Variants in TDRD7 observed in about 807,000 individuals in gnomAD.
TDRD7 encodes the protein tudor domain containing 7.
In TDRD7, 47 loss-of-function variants were observed where a neutral mutation model predicts 109.8. The ratio of observed to expected loss-of-function variants is 0.43; its 90% CI spans 0.34 to 0.55. The LOEUF is 0.55. Ranked by LOEUF, TDRD7 falls within the 20% of genes least tolerant of loss-of-function variation. The probability of loss-of-function intolerance (pLI) is 0.03; values close to 1 mark genes in which losing one functional copy is unlikely to be tolerated. For missense variants in TDRD7, 1,164 were observed against 1,319.2 expected (o/e 0.88, Z 1.82); for synonymous variants, 424 against 457.3 (o/e 0.93, Z 0.93).
intron 12 of TDRD7, 34 bp downstream of exon 12, chr9:97,475,503 C>G (rs1829002846): frequency 1.4e-6 from 2 of 1,454,346 alleles, no homozygotes; most frequent in Non-Finnish European, 9.6e-7. Flanking sequence ...TTAATCTTAA[C>G]TTATTGTGAA....
chr9:97,484,179 ACTC>A (rs1429280439), intron 15 of TDRD7, among the ~76,000 whole-genome samples: 1 of 151,722 alleles, frequency 6.6e-6, no homozygotes, highest in Non-Finnish European at 1.5e-5. Context: ...TTATTTCACT[ACTC>A]TTTGGCCTTG....
At position 97,432,041 on chromosome 9, in the gene TDRD7, C is replaced by A. The variant is rs1486555832; in HGVS notation, c.366C>A (p.Thr122=). 1 of 1,613,730 alleles carries A rather than the reference C, an allele frequency of 6.2e-7. No homozygotes were observed. Among genetic ancestry groups the A allele is most frequent in the Non-Finnish European group, 8.5e-7 (1 of 1,179,754 alleles). Residue 122 remains threonine, a synonymous_variant, in exon 4 of 17, where the codon ACC becomes ACA. Transcript: ENST00000355295. ...PFFLEGKPKA[T]LRQPGFASNF... ...ACTTCATAGGAAAACCAAAAGCAAC[C>A]CTCAGACAACCAGGATTTGCTTCAA...
chr9:97,480,870 A>C lies in TDRD7; in HGVS notation c.2344A>C (p.Met782Leu), dbSNP rs752597965. 1.2e-6 allele frequency: 2 copies of C among 1,614,128 alleles called. No individual in the cohort carries two copies. The highest frequency in any genetic ancestry group is 2.2e-5 in the East Asian group (1 of 44,878). Residue 782 changes from methionine to leucine, a missense_variant, in exon 14 of 17, where the codon ATG becomes CTG. Transcript: ENST00000355295. ...CLADLPQSIG[M>L]WTPDAVLWLR... ...AGCAGATCTTCCACAATCTATTGGC[A>C]TGTGGACACCAGATGCAGTGCTGTG...
chr9:97,480,836 G>A lies in TDRD7; in HGVS notation c.2310G>A (p.Lys770=), dbSNP rs143466399. Residue 770 remains lysine (K), a synonymous_variant, in exon 14 of 17, where the codon AAG becomes AAA. Transcript: ENST00000355295. ...EMIAIPPQAI[K]CCLADLPQSI... ...TCATATTTTCTTTTCAGGCCATTAA[G>A]TGCTGTTTAGCAGATCTTCCACAAT... 3 of 1,613,852 alleles carry A rather than the reference G, an allele frequency of 1.9e-6. No homozygotes were observed. Among genetic ancestry groups the A allele is most frequent in the Non-Finnish European group, 2.5e-6 (3 of 1,179,800 alleles).
rs758043386 is a variant in TDRD7 at position 97,483,047 on chromosome 9, G to A, written c.2611G>A (p.Gly871Ser). ...CAAAAATGGCAACATGCCCATGTCG[G>A]GCAACACTGGAGAGAATTTCAGAAA... Reference protein sequence around the residue: ...NSKNGNMPMSGNTGENFRKNL... With the variant: ...NSKNGNMPMSSNTGENFRKNL... The change falls in exon 15 of 17, where the codon GGC becomes AGC. Residue 871 changes from glycine (G) to serine (S), a missense_variant. Transcript: ENST00000355295. The A allele has an allele frequency of 1.9e-6, 3 of 1,614,140 alleles. No homozygotes were observed. Among genetic ancestry groups the A allele is most frequent in the Non-Finnish European group, 2.5e-6 (3 of 1,180,024 alleles).
chr9:97,491,065 A>G (rs955050831), intron 16 of TDRD7, among the ~76,000 whole-genome samples: 3 of 151,670 alleles, frequency 2.0e-5, no homozygotes, highest in Non-Finnish European at 2.9e-5. Flanking sequence ...ACAGGCATGC[A>G]CCACCACACC....
intron 6 of TDRD7, among the ~76,000 whole-genome samples, chr9:97,443,013 G>C (rs1828338165): frequency 6.6e-6 from 1 of 152,096 alleles, no homozygotes; most frequent in Non-Finnish European, 1.5e-5. Flanking sequence ...CCAGGCTGGA[G>C]TCTCGAATTC....
At chr9:97,478,891 A>G (rs1437922500) in intron 13 of TDRD7, among the ~76,000 whole-genome samples, 1 of 152,136 alleles carries the variant, frequency 6.6e-6, no homozygotes, top group African/African-American at 2.4e-5. Flanking sequence ...AATATTGTGT[A>G]TAAATGTTTA....
chr9:97,449,278 C>CT (rs768798555), intron 6 of TDRD7, among the ~76,000 whole-genome samples: 6 of 152,170 alleles, frequency 3.9e-5, no homozygotes, highest in Non-Finnish European at 4.4e-5. Flanking sequence ...TGGGTGCCCT[C>CT]TAATTTAATA....
chr9:97,482,154 G>A (rs1261864250), intron 14 of TDRD7, among the ~76,000 whole-genome samples: 2 of 152,184 alleles, frequency 1.3e-5, no homozygotes, highest in Non-Finnish European at 2.9e-5. Flanking sequence ...CCCTCTGGCC[G>A]AAAGAGCAAA....
intron 1 of TDRD7, among the ~76,000 whole-genome samples, chr9:97,427,020 A>T (rs1161650907): frequency 1.3e-5 from 2 of 152,206 alleles, no homozygotes; most frequent in Non-Finnish European, 2.9e-5. Context: ...GCCATATTTT[A>T]AGTGCTCAGA....
intron 6 of TDRD7, among the ~76,000 whole-genome samples, chr9:97,455,019 A>G (rs578084452): frequency 6.6e-6 from 1 of 152,352 alleles, no homozygotes; most frequent in Admixed American, 6.5e-5. Flanking sequence ...ACAGAAATAC[A>G]GACTACCATC....
intron 13 of TDRD7, 118 bp from the exon 14 acceptor site, chr9:97,480,710 G>A: frequency 1.2e-6 from 1 of 830,182 alleles, no homozygotes; most frequent in Non-Finnish European, 2.1e-6. Context: ...GTTATTAGCT[G>A]TTGTTGCTTG....
intron 1 of TDRD7, among the ~76,000 whole-genome samples, chr9:97,415,935 A>C (rs545467011): frequency 6.6e-6 from 1 of 152,368 alleles, no homozygotes; most frequent in African/African-American, 2.4e-5. Flanking sequence ...CAAAACTCAG[A>C]GCATTTCCAA....
At chr9:97,454,530 A>C (rs1828567618) in intron 6 of TDRD7, among the ~76,000 whole-genome samples, 1 of 152,126 alleles carries the variant, frequency 6.6e-6, no homozygotes, top group Non-Finnish European at 1.5e-5. Flanking sequence ...GGATTAAGAA[A>C]CTCACTTAAA....
intron 6 of TDRD7, among the ~76,000 whole-genome samples, chr9:97,444,733 A>G (rs1292096400): frequency 1.3e-5 from 2 of 152,226 alleles, no homozygotes; most frequent in South Asian, 2.1e-4. Flanking sequence ...CCAACCAGAT[A>G]AAATATTCTA....
chr9:97,495,102 T>C (rs911485316), intron 16 of TDRD7, among the ~76,000 whole-genome samples: 3 of 152,198 alleles, frequency 2.0e-5, no homozygotes, highest in African/African-American at 7.2e-5. Context: ...CAGGTTCTTT[T>C]ATCATAGGTG....
chr9:97,492,045 T>G (rs1829317064), intron 16 of TDRD7, among the ~76,000 whole-genome samples: 2 of 152,230 alleles, frequency 1.3e-5, no homozygotes, highest in East Asian at 1.9e-4. Context: ...AGGCCTCTGC[T>G]CATTGGTTTC....
At chr9:97,490,558 G>T (rs537830693) in intron 16 of TDRD7, among the ~76,000 whole-genome samples, 5 of 137,230 alleles carry the variant, frequency 3.6e-5, no homozygotes, top group East Asian at 2.3e-4. Context: ...GTGGGGGGGG[G>T]GGCATTTATC....
Sources: allele counts gnomAD v4.1 joint callset (sites outside exome capture counted in the v4.1 genomes callset), GRCh38; gene constraint gnomAD v4.1.1; transcripts MANE v1.5; gene names NCBI Gene and HGNC (gene_info 2026-07-23, HGNC 2026-07-21).